Variants in USP47 observed in about 807,000 individuals in gnomAD.
USP47 encodes the protein ubiquitin carboxyl-terminal hydrolase 47.
A neutral mutation model predicts 165.1 loss-of-function variants in USP47; 35 were observed. The ratio of observed to expected loss-of-function variants is 0.21; its 90% CI spans 0.16 to 0.28. USP47 has a LOEUF of 0.28. Ranked by LOEUF, USP47 falls within the 10% of genes least tolerant of loss-of-function variation. USP47 has a pLI of 1.00. For missense variants in USP47, 1,277 were observed against 1,607.4 expected, an observed-to-expected ratio of 0.79 and a Z score of 3.52; for synonymous variants, 531 against 544.5, an observed-to-expected ratio of 0.98 and a Z score of 0.35.
At chr11:11,916,525 CAG>C (rs2134562493) in intron 8 of USP47, among the ~76,000 whole-genome samples, 1 of 150,816 alleles carries the variant, frequency 6.6e-6, no homozygotes, top group South Asian at 2.1e-4. Context: ...AGGAAAGAAA[CAG>C]AAGAAAAAGA....
intron 7 of USP47, among the ~76,000 whole-genome samples, chr11:11,903,552 C>A (rs1852359879): frequency 6.6e-6 from 1 of 152,094 alleles, no homozygotes; most frequent in African/African-American, 2.4e-5. Flanking sequence ...TCAGTTTTCT[C>A]ATCTTTAAGG....
chr11:11,907,540 A>G (rs553889740), intron 8 of USP47, among the ~76,000 whole-genome samples: 10 of 152,328 alleles, frequency 6.6e-5, no homozygotes, highest in Middle Eastern at 3.4e-3. Context: ...TTAGTCCACA[A>G]ATATCATCAT....
rs1361969690 is a variant in USP47, at chr11:11,960,421, T to C, written c.*4246T>C. Among the ~76,000 whole-genome samples, 1 of 109,442 alleles carries C rather than the reference T, an allele frequency of 9.1e-6. No homozygotes were observed. The highest frequency in any genetic ancestry group is 2.2e-5 in the Non-Finnish European group (1 of 44,736). The allele number at this position is 109,442 out of a possible 152,430, so 71.8% of individuals were successfully genotyped here. A position where few individuals can be genotyped will look rare whatever the true frequency, so the allele number is the denominator to read the frequency against. ...AGCATTGGTGCTCCCTCATGAAATT[T>C]GACAGTGTCTTGCCAGCCTCCTGCT... On this transcript the variant is annotated 3_prime_UTR_variant, in exon 28 of 28. Transcript: ENST00000527733.
intron 1 of USP47, among the ~76,000 whole-genome samples, chr11:11,853,647 G>A (rs947444243): frequency 6.6e-6 from 1 of 152,068 alleles, no homozygotes; most frequent in Admixed American, 6.5e-5. Context: ...AGTAATAATT[G>A]CCCTCTTCTT....
chr11:11,847,814 T>C (rs1848511439), intron 1 of USP47, among the ~76,000 whole-genome samples: 2 of 152,240 alleles, frequency 1.3e-5, no homozygotes, highest in South Asian at 4.1e-4. Context: ...ACAGATGAGA[T>C]TAAGATTTAC....
In USP47 at chr11:11,942,498, G is replaced by T. The variant is rs532719574; in HGVS notation, c.2477G>T (p.Gly826Val). Residue 826 changes from glycine to valine, a missense_variant, in exon 20 of 28, where the codon GGA (glycine) becomes GTA (valine). Physicochemically the swap from Gly to Val is moderately radical, Grantham distance 109. Around this residue, in one of 4 missense-constraint regions of USP47, gnomAD observed 909 missense variants for 1,068.1 expected, o/e 0.85. Transcript: ENST00000527733. ...YSKRTAYQKA[G>V]GDSGNVDDDC... The stretch of plus-strand genomic sequence containing the variant: ...AAAAGGACAGCATACCAGAAAGCTG[G>T]AGGCGATTCTGGTAATGTGGATGAT... The T allele has an allele frequency of 3.0e-5, 49 of 1,613,594 alleles. No individual in the cohort carries two copies. The highest frequency in any genetic ancestry group is 3.9e-5 in the Non-Finnish European group (46 of 1,179,732).
rs1465079147 is a variant in USP47 at position 11,956,581 on chromosome 11, A to C, written c.*406A>C. ...GCTGTGCAAAGGCCATGAATGAATGAATTTTCTGTTTATTTCACTGATGCA... is the reference window on the plus strand; with the variant it reads ...GCTGTGCAAAGGCCATGAATGAATGCATTTTCTGTTTATTTCACTGATGCA... On this transcript the variant is annotated 3_prime_UTR_variant, in exon 28 of 28. Coordinates refer to ENST00000527733, the MANE Select transcript of USP47 (RefSeq NM_001282659.2). 2.6e-5 allele frequency: 4 copies of C among 156,232 alleles called. No individual in the cohort carries two copies. Among genetic ancestry groups the C allele is most frequent in the African/African-American group, 9.6e-5 (4 of 41,510 alleles). The allele number at this position is 156,232 out of a possible 1,614,324, so 9.7% of individuals were successfully genotyped here.
intron 22 of USP47, 105 bp from the exon 23 acceptor site, chr11:11,949,784 C>T: frequency 1.4e-6 from 1 of 707,110 alleles, no homozygotes; most frequent in Non-Finnish European, 2.3e-6. Flanking sequence ...AAACTCAGGC[C>T]CTTAATTGCA....
chr11:11,846,472 G>T (rs1848432906), intron 1 of USP47, among the ~76,000 whole-genome samples: 1 of 151,882 alleles, frequency 6.6e-6, no homozygotes, highest in African/African-American at 2.4e-5. Context: ...CAGAGAAAAT[G>T]GAAAAAATGA....
chr11:11,865,656 C>T (rs1849631733), intron 1 of USP47, among the ~76,000 whole-genome samples: 1 of 152,114 alleles, frequency 6.6e-6, no homozygotes, highest in African/African-American at 2.4e-5. Flanking sequence ...TCCCCACATC[C>T]TTACCAACAC....
intron 1 of USP47, among the ~76,000 whole-genome samples, chr11:11,852,850 A>G (rs1848804955): frequency 6.6e-6 from 1 of 152,110 alleles, no homozygotes; most frequent in Admixed American, 6.6e-5. Flanking sequence ...ACCACATTCC[A>G]CTACATTAGT....
In USP47 at chr11:11,960,003, A is replaced by G. The variant is rs116410774; in HGVS notation, c.*3828A>G. ...TAATTTATGGAGATAAAAATACTCAATGCTTACATTTTTTTCATAACTGTG... is the reference window on the plus strand; with the variant it reads ...TAATTTATGGAGATAAAAATACTCAGTGCTTACATTTTTTTCATAACTGTG... On this transcript the variant is annotated 3_prime_UTR_variant, in exon 28 of 28. Transcript: ENST00000527733. Among the ~76,000 whole-genome samples, 1 of 152,190 alleles carries G rather than the reference A, an allele frequency of 6.6e-6. No homozygotes were observed. Among genetic ancestry groups the G allele is most frequent in the Non-Finnish European group, 1.5e-5 (1 of 68,034 alleles).
At chr11:11,884,666 ATG>A (rs1331896145) in intron 3 of USP47, 86 bp downstream of exon 3, 1 of 870,530 alleles carries the variant, frequency 1.1e-6, no homozygotes, top group Non-Finnish European at 1.8e-6. Context: ...AGGAAATAAG[ATG>A]TGTTTTGTAA....
At chr11:11,944,103 C>CT (rs1855664993) in intron 20 of USP47, among the ~76,000 whole-genome samples, 1 of 150,272 alleles carries the variant, frequency 6.7e-6, no homozygotes, top group Non-Finnish European at 1.5e-5. Flanking sequence ...TTCCTTTTAC[C>CT]TTTGGAAGGG....
At chr11:11,872,472 G>A (rs985681968) in intron 1 of USP47, among the ~76,000 whole-genome samples, 2 of 152,200 alleles carry the variant, frequency 1.3e-5, no homozygotes, top group Non-Finnish European at 2.9e-5. Flanking sequence ...AGGGAAGCAA[G>A]TCAAAGAATT....
chr11:11,842,111 C>G lies in USP47; in HGVS notation c.-75C>G. 6.6e-7 allele frequency: 1 copy of G among 1,523,446 alleles called. No homozygotes were observed. The highest frequency in any genetic ancestry group is 1.7e-4 in the Middle Eastern group (1 of 5,848). The allele number at this position is 1,523,446 out of a possible 1,614,324, so 94.4% of individuals were successfully genotyped here. ...GGAGAGGATGACTGCCGCTGCCATT[C>G]TCTCTTGAGCTAGCGAGCCGCCGCC... On this transcript the variant is annotated 5_prime_UTR_variant, in exon 1 of 28. Coordinates refer to ENST00000527733, the MANE Select transcript of USP47 (RefSeq NM_001282659.2).
At chr11:11,898,541 A>ATGTATTGCCC (rs1416729945) in intron 5 of USP47, among the ~76,000 whole-genome samples, 1 of 152,182 alleles carries the variant, frequency 6.6e-6, no homozygotes, top group Non-Finnish European at 1.5e-5. Context: ...GTCATTCTGT[A>ATGTATTGCCC]TGCATGTATT....
chr11:11,878,348 C>T (rs7122656), intron 1 of USP47, among the ~76,000 whole-genome samples: 7,560 of 152,206 alleles, frequency 0.05, 470 homozygotes, highest in African/African-American at 0.14. Flanking sequence ...ATACCAGGAA[C>T]GCTGAATCAT....
intron 1 of USP47, among the ~76,000 whole-genome samples, chr11:11,875,111 T>A (rs1251708771): frequency 1.3e-5 from 2 of 151,604 alleles, no homozygotes; most frequent in African/African-American, 4.8e-5. Context: ...AATACTATTA[T>A]TTGCAATAAC....
Sources: allele counts gnomAD v4.1 joint callset (sites outside exome capture counted in the v4.1 genomes callset), GRCh38; gene constraint gnomAD v4.1.1; regional missense constraint gnomAD v4.1.1; transcripts MANE v1.5; gene names NCBI Gene and HGNC (gene_info 2026-07-23, HGNC 2026-07-21).